Variants in GIGYF2 observed in about 807,000 individuals in gnomAD.
GIGYF2 encodes the protein GRB10-interacting GYF protein 2.
In GIGYF2, 25 loss-of-function variants were observed where a neutral mutation model predicts 208.1. The observed-to-expected ratio is 0.12, with a 90% CI of 0.09 to 0.17. GIGYF2 has a LOEUF of 0.17. GIGYF2 is among the 10% of genes least tolerant of loss of function. The probability of loss-of-function intolerance (pLI) is 1.00; values close to 1 mark genes in which losing one functional copy is unlikely to be tolerated. For missense variants in GIGYF2, 1,302 were observed against 1,579.4 expected, an observed-to-expected ratio of 0.82 and a Z score of 2.98; for synonymous variants, 534 against 543.8, an observed-to-expected ratio of 0.98 and a Z score of 0.25.
intron 16 of GIGYF2, 102 bp downstream of exon 16, chr2:232,809,913 T>TTA: frequency 1.3e-6 from 1 of 766,796 alleles, no homozygotes; most frequent in Non-Finnish European, 2.4e-6. Context: ...GACTAACGGC[T>TTA]TATATGGCAC....
chr2:232,768,105 G>GAAA lies in GIGYF2; in HGVS notation c.532+6673_532+6675dup. On this transcript the variant is annotated intron_variant, in intron 8 of 28. Transcript: ENST00000373563. ...GATGTAGAGAGCTATAATTAGCATT[G>GAAA]AAAAAAGAAAACATGAGATACAGTA... 2.2e-6 allele frequency: 3 copies of GAAA among 1,379,386 alleles called. No homozygotes were observed. In the Admixed American group the frequency reaches 5.1e-5, roughly 23 times the overall value. The allele number at this position is 1,379,386 out of a possible 1,614,324, so 85.4% of individuals were successfully genotyped here. A position where few individuals can be genotyped will look rare whatever the true frequency, so the allele number is the denominator to read the frequency against.
At chr2:232,773,606 G>C (rs1394957265) in intron 8 of GIGYF2, among the ~76,000 whole-genome samples, 1 of 152,030 alleles carries the variant, frequency 6.6e-6, no homozygotes, top group Non-Finnish European at 1.5e-5. Flanking sequence ...CCCTGAAACT[G>C]TCTCAAGTAT....
intron 22 of GIGYF2, among the ~76,000 whole-genome samples, chr2:232,838,012 T>C (rs1337847544): frequency 6.6e-6 from 1 of 152,166 alleles, no homozygotes; most frequent in Admixed American, 6.5e-5. Context: ...GAAGCATGAT[T>C]GACACACTGC....
intron 20 of GIGYF2, among the ~76,000 whole-genome samples, chr2:232,818,497 A>T (rs1435031266): frequency 7.2e-5 from 11 of 152,200 alleles, no homozygotes; most frequent in Admixed American, 7.2e-4. Flanking sequence ...GCCTATAGAT[A>T]TCCAGTTTTC....
At chr2:232,735,294 G>T in intron 3 of GIGYF2, 56 bp downstream of exon 3, 1 of 1,211,738 alleles carries the variant, frequency 8.3e-7, no homozygotes, top group South Asian at 1.2e-5. Context: ...CAGTAGTAAA[G>T]TATTTGACAG....
intron 8 of GIGYF2, among the ~76,000 whole-genome samples, chr2:232,785,467 C>G (rs1043607063): frequency 6.6e-5 from 10 of 152,186 alleles, no homozygotes; most frequent in African/African-American, 2.4e-4. Flanking sequence ...CAAGCTTCTC[C>G]ACGAGGTCTG....
Position 232,844,122 on chromosome 2 carries a change from G to A in GIGYF2, c.2966G>A (p.Trp989Ter). The A allele has an allele frequency of 6.3e-7, 1 of 1,595,952 alleles. No homozygotes were observed. Among genetic ancestry groups the A allele is most frequent in the Non-Finnish European group, 8.6e-7 (1 of 1,169,516 alleles). Reference protein sequence around the residue: ...QQQQQQKLSGWGNVSKPSGTT... With the variant: ...QQQQQQKLSG ...CAGCAACAGCAGAAACTCTCAGGTT[G>A]GGGGAATGTCAGCAAACCTTCAGGT... Residue 989 changes from tryptophan to a stop codon, truncating the protein, a stop_gained, in exon 24 of 29, where the codon TGG becomes TAG. Transcript: ENST00000373563. LOFTEE classifies it high-confidence loss of function.
At chr2:232,772,844 G>C (rs1158969721) in intron 8 of GIGYF2, among the ~76,000 whole-genome samples, 1 of 152,224 alleles carries the variant, frequency 6.6e-6, no homozygotes, top group Admixed American at 6.5e-5. Context: ...TGTGGAGCTA[G>C]GTTGTTGCTT....
intron 8 of GIGYF2, among the ~76,000 whole-genome samples, chr2:232,785,408 T>A (rs1699878994): frequency 6.6e-6 from 1 of 152,220 alleles, no homozygotes; most frequent in Non-Finnish European, 1.5e-5. Context: ...TTTGATCCAC[T>A]TCCAGACTCA....
chr2:232,834,939 A>G (rs1365458027), intron 22 of GIGYF2, among the ~76,000 whole-genome samples: 2 of 152,142 alleles, frequency 1.3e-5, no homozygotes, highest in Admixed American at 1.3e-4. Flanking sequence ...TCGTGTACTT[A>G]TCTCCTAAAT....
chr2:232,836,305 TATATATATATATATATATATATATAC>T (rs1374600554), intron 22 of GIGYF2, among the ~76,000 whole-genome samples: 6 of 18,494 alleles, frequency 3.2e-4, no homozygotes, highest in East Asian at 2.0e-3. Context: ...TATATATATA[TATATATATATATATATATATATATAC>T]ATATATATAC....
At chr2:232,706,303 T>C (rs1263574813) in intron 2 of GIGYF2, among the ~76,000 whole-genome samples, 2 of 152,230 alleles carry the variant, frequency 1.3e-5, no homozygotes, top group East Asian at 1.9e-4. Flanking sequence ...ATAAGACATA[T>C]GCAGAGCTTT....
In GIGYF2 at chr2:232,735,049, C is replaced by G. The variant is rs557350079; in HGVS notation, c.-43-106C>G. 34 of 643,930 alleles carry G rather than the reference C, an allele frequency of 5.3e-5. No individual in the cohort carries two copies. In the Admixed American group the frequency reaches 9.0e-4, roughly 17 times the overall value. 39.9% of individuals were successfully genotyped at this position (643,930 alleles called of 1,614,324 possible). On this transcript the variant is annotated intron_variant, in intron 2 of 28. Transcript: ENST00000373563. ...ATTTCAAAATCTCATTTTTGTGACT[C>G]TAGTTGAGAGGAGCATAAATAAAAC... is the stretch of plus-strand genomic sequence containing the variant.
chr2:232,715,966 G>A (rs1696657529), intron 2 of GIGYF2, among the ~76,000 whole-genome samples: 2 of 152,136 alleles, frequency 1.3e-5, no homozygotes, highest in East Asian at 1.9e-4. Context: ...AATACATTTT[G>A]TTATAAAGTA....
At chr2:232,699,043 C>G (rs994537684) in intron 1 of GIGYF2, among the ~76,000 whole-genome samples, 1 of 152,008 alleles carries the variant, frequency 6.6e-6, no homozygotes, top group East Asian at 1.9e-4. Context: ...AGGTAAAATA[C>G]TTGATGTAGT....
chr2:232,854,155 C>A (rs1690461708), intron 28 of GIGYF2, among the ~76,000 whole-genome samples: 1 of 152,128 alleles, frequency 6.6e-6, no homozygotes, highest in African/African-American at 2.4e-5. Flanking sequence ...CATAGACTGG[C>A]CTTTAGGTTC....
At chr2:232,803,122 C>T (rs1469881485) in intron 14 of GIGYF2, among the ~76,000 whole-genome samples, 1 of 152,192 alleles carries the variant, frequency 6.6e-6, no homozygotes, top group African/African-American at 2.4e-5. Flanking sequence ...AACTCCTGAC[C>T]TCAGATAATC....
intron 18 of GIGYF2, among the ~76,000 whole-genome samples, chr2:232,813,591 G>A (rs1236595089): frequency 6.6e-6 from 1 of 152,094 alleles, no homozygotes; most frequent in Non-Finnish European, 1.5e-5. Flanking sequence ...ATTATAGTTG[G>A]TGTTGAAGAT....
chr2:232,834,007 A>G (rs1701503376), intron 22 of GIGYF2, among the ~76,000 whole-genome samples: 1 of 152,042 alleles, frequency 6.6e-6, no homozygotes, highest in Non-Finnish European at 1.5e-5. Flanking sequence ...GTCAGCAAGA[A>G]TTAATTAGTC....
Sources: allele counts gnomAD v4.1 joint callset (sites outside exome capture counted in the v4.1 genomes callset), GRCh38; gene constraint gnomAD v4.1.1; transcripts MANE v1.5; gene names NCBI Gene and HGNC (gene_info 2026-07-23, HGNC 2026-07-21).